CCDC192: variants seen among roughly 807,000 people sequenced by gnomAD.
CCDC192 encodes the protein coiled-coil domain-containing protein 192.
chr5:127,857,149 C>T (rs1031276018), intron 5 of CCDC192, among the ~76,000 whole-genome samples: 2 of 152,142 alleles, frequency 1.3e-5, no homozygotes, highest in Non-Finnish European at 2.9e-5. Context: ...TCAAATAGAG[C>T]TACATCTCCA....
At chr5:127,709,248 A>AGAGAGAGAGAGAGAGAGAGAG (rs1751182641) in intron 2 of CCDC192, among the ~76,000 whole-genome samples, 1 of 135,448 alleles carries the variant, frequency 7.4e-6, no homozygotes, top group African/African-American at 2.8e-5. Flanking sequence ...AGAGAGAGAG[A>AGAGAGAGAGAGAGAGAGAGAG]AATGCTACAC....
At chr5:127,718,806 T>A (rs1751791321) in intron 2 of CCDC192, among the ~76,000 whole-genome samples, 1 of 152,138 alleles carries the variant, frequency 6.6e-6, no homozygotes, top group African/African-American at 2.4e-5. Context: ...GTACATAAGA[T>A]GAAATATTTT....
chr5:127,712,188 T>A (rs1362306022), intron 2 of CCDC192, among the ~76,000 whole-genome samples: 2 of 152,234 alleles, frequency 1.3e-5, no homozygotes, highest in Non-Finnish European at 2.9e-5. Context: ...AACTCATTTT[T>A]ATTGCAGAAT....
At chr5:127,765,047 T>A (rs563389122) in intron 3 of CCDC192, among the ~76,000 whole-genome samples, 203 of 152,304 alleles carry the variant, frequency 1.3e-3, no homozygotes, top group African/African-American at 4.7e-3. Flanking sequence ...GAGTGTATAG[T>A]GACATGCAGT....
intron 5 of CCDC192, among the ~76,000 whole-genome samples, chr5:127,872,787 T>TC: frequency 6.6e-6 from 1 of 152,312 alleles, no homozygotes; most frequent in East Asian, 1.9e-4. Context: ...TTTTGAATAG[T>TC]CCCTTAGGTA....
In CCDC192 at chr5:127,931,581, G is replaced by C. The variant is rs575938500; in HGVS notation, c.536-9601G>C. 5.3e-5 allele frequency among the ~76,000 whole-genome samples: 8 copies of C among 152,230 alleles called. No homozygotes were observed. In the South Asian group the frequency reaches 1.5e-3, roughly 28 times the overall value. On this transcript the variant is annotated intron_variant, in intron 6 of 6. Coordinates refer to ENST00000514853, the MANE Select transcript of CCDC192 (RefSeq NM_001317938.2). Reference sequence around the variant, plus strand: ...ACCTGTTAGGATTTAGCCAAATCTTGGTTCACCATAAATCTTGCAGGTCAG... The same window carrying C: ...ACCTGTTAGGATTTAGCCAAATCTTCGTTCACCATAAATCTTGCAGGTCAG...
intron 2 of CCDC192, among the ~76,000 whole-genome samples, chr5:127,737,812 G>A (rs1245876712): frequency 2.6e-5 from 4 of 151,972 alleles, no homozygotes; most frequent in African/African-American, 9.7e-5. Context: ...TTTATTTTGA[G>A]CCTATGTGTG....
At chr5:127,807,155 T>C (rs1757833995) in intron 5 of CCDC192, among the ~76,000 whole-genome samples, 1 of 152,206 alleles carries the variant, frequency 6.6e-6, no homozygotes, top group Non-Finnish European at 1.5e-5. Context: ...TGCCAGAACA[T>C]AGTAAGTGTT....
Position 127,725,117 on chromosome 5 carries a change from A to G in CCDC192, c.114+17357A>G, listed in dbSNP as rs143559667. ...GGCACACAAACATTATAAAAGATAA[A>G]AGAATATTGTCATATATGCAATTAG... On this transcript the variant is annotated intron_variant, in intron 2 of 6. Transcript: ENST00000514853. Among the ~76,000 whole-genome samples the G allele has an allele frequency of 5.1e-3, 774 of 152,322 alleles. 7 individuals carry two copies. Among genetic ancestry groups the G allele is most frequent in the African/African-American group, 0.018 (733 of 41,558 alleles).
At chr5:127,724,678 GTC>G (rs1407327670) in intron 2 of CCDC192, among the ~76,000 whole-genome samples, 1 of 151,906 alleles carries the variant, frequency 6.6e-6, no homozygotes, top group East Asian at 1.9e-4. Context: ...GGGAAACCCC[GTC>G]TCTGCTGAAA....
At chr5:127,919,437 T>TCC (rs1554085933) in intron 6 of CCDC192, among the ~76,000 whole-genome samples, 1 of 151,846 alleles carries the variant, frequency 6.6e-6, no homozygotes, top group African/African-American at 2.4e-5. Context: ...GAAAAAAAAC[T>TCC]TCCAGAACCC....
rs1482734260 is a variant in CCDC192, at chr5:127,798,128, A to T, written c.377A>T (p.Glu126Val). The change falls in exon 5 of 7, where the codon GAA (glutamate) becomes GTA (valine). Residue 126 changes from glutamate (E) to valine (V), a missense_variant. Physicochemically the swap from Glu to Val is moderately radical, Grantham distance 121. Transcript: ENST00000514853. ...KDQCIQKLQA[E>V]VKASQEQLIA... ...CAGTGCATCCAGAAATTGCAAGCTG[A>T]AGTAAAAGCTTCCCAGGAGCAACTT... 1 of 398,278 alleles carries T rather than the reference A, an allele frequency of 2.5e-6. No homozygotes were observed. Among genetic ancestry groups the T allele is most frequent in the African/African-American group, 2.1e-5 (1 of 48,592 alleles). 24.7% of individuals were successfully genotyped at this position (398,278 alleles called of 1,614,324 possible).
chr5:127,902,392 T>G lies in CCDC192; in HGVS notation c.535+26731T>G, dbSNP rs1753061622. ...CCATTCTTGAATCTGGGTCCTGACA[T>G]TCACAACATGTTTGTTAAAGAAAAC... On this transcript the variant is annotated intron_variant, in intron 6 of 6. Transcript: ENST00000514853. Among the ~76,000 whole-genome samples the G allele has an allele frequency of 2.0e-5, 3 of 151,756 alleles. No homozygotes were observed. In the South Asian group the frequency reaches 6.3e-4, roughly 32 times the overall value.
chr5:127,860,985 G>A (rs1311986332), intron 5 of CCDC192, among the ~76,000 whole-genome samples: 1 of 152,122 alleles, frequency 6.6e-6, no homozygotes, highest in African/African-American at 2.4e-5. Context: ...AGGATTTAAA[G>A]CATTTTAAGA....
intron 3 of CCDC192, among the ~76,000 whole-genome samples, chr5:127,769,251 A>G (rs982536532): frequency 6.6e-6 from 1 of 152,226 alleles, no homozygotes; most frequent in African/African-American, 2.4e-5. Flanking sequence ...GAAGTCTTTT[A>G]TCTTTGTGGC....
chr5:127,889,122 G>A (rs983561110), intron 6 of CCDC192, among the ~76,000 whole-genome samples: 1 of 152,178 alleles, frequency 6.6e-6, no homozygotes, highest in Non-Finnish European at 1.5e-5. Flanking sequence ...CAGAATAAAT[G>A]CTCATGGGAA....
intron 2 of CCDC192, among the ~76,000 whole-genome samples, chr5:127,751,912 C>G (rs1447617771): frequency 6.6e-6 from 1 of 152,036 alleles, no homozygotes; most frequent in Non-Finnish European, 1.5e-5. Flanking sequence ...CGCATCGGCT[C>G]CTGAGGCTTC....
At chr5:127,726,341 G>A (rs541994268) in intron 2 of CCDC192, among the ~76,000 whole-genome samples, 12 of 152,210 alleles carry the variant, frequency 7.9e-5, no homozygotes, top group South Asian at 2.1e-4. Flanking sequence ...ACAACATGTC[G>A]GGGAAAATTT....
chr5:127,792,302 T>C (rs1446601181), intron 3 of CCDC192, among the ~76,000 whole-genome samples: 2 of 152,170 alleles, frequency 1.3e-5, no homozygotes, highest in African/African-American at 4.8e-5. Flanking sequence ...CTTCTTCATA[T>C]GGCAGCAGCA....
Sources: gnomAD v4.1 joint callset for allele counts (sites outside exome capture counted in the v4.1 genomes callset) on GRCh38, gnomAD v4.1.1 for gene constraint, MANE v1.5 for transcripts, NCBI Gene and HGNC (gene_info 2026-07-23, HGNC 2026-07-21) for gene names.